Variants in USP26 observed in about 807,000 individuals in gnomAD.
USP26 encodes the protein ubiquitin specific peptidase 26, also known as ubiquitin carboxyl-terminal hydrolase 26.
For missense variants in USP26, 649 were observed against 642.3 expected, an observed-to-expected ratio of 1.01 and a Z score of -0.11; for synonymous variants, 236 against 240.6, an observed-to-expected ratio of 0.98 and a Z score of 0.18.
chrX:133,025,527 ATTCTC>A lies in USP26; in HGVS notation c.2689_2693del (p.Glu897CysfsTer4), dbSNP rs1374210792. 1 of 1,211,262 alleles carries A rather than the reference ATTCTC, an allele frequency of 8.3e-7. No individual in the cohort carries two copies. Among genetic ancestry groups the A allele is most frequent in the African/African-American group, 1.7e-5 (1 of 57,701 alleles). Reference sequence around the variant, plus strand: ...CTACCTCCTTGCTATTAAGCTGGGCATTCTCTTCTCTTTTCAACATCTCTTCAAAG... The same window carrying A: ...CTACCTCCTTGCTATTAAGCTGGGCATTCTCTTTTCAACATCTCTTCAAAG... On this transcript the variant is annotated frameshift_variant, in exon 6 of 6. Transcript: ENST00000511190. LOFTEE classifies it low-confidence loss of function (END_TRUNC).
At chrX:133,068,384 A>G (rs2067519394) in intron 5 of USP26, among the ~76,000 whole-genome samples, 1 of 112,460 alleles carries the variant, frequency 8.9e-6, no homozygotes, top group South Asian at 3.7e-4. Flanking sequence ...AAACCTGCAC[A>G]TATACCTCCT....
At chrX:133,070,090 C>T (rs1435359054) in intron 5 of USP26, among the ~76,000 whole-genome samples, 3 of 110,669 alleles carry the variant, frequency 2.7e-5, no homozygotes, top group Non-Finnish European at 3.8e-5. Context: ...CAGCAAAAGA[C>T]GATAGAGGAT....
chrX:133,052,872 G>C lies in USP26; in HGVS notation c.-76-24576C>G, dbSNP rs191188553. On this transcript the variant is annotated intron_variant, in intron 5 of 5. Transcript: ENST00000511190. The stretch of plus-strand genomic sequence containing the variant: ...TCTCCTTATAATGTAGATGGGGAGG[G>C]GGGTGAGAGGACTGGTAGCTGTCTC... Among the ~76,000 whole-genome samples, 63 of 111,601 alleles carry C rather than the reference G, an allele frequency of 5.6e-4. 1 individual carries two copies. Among genetic ancestry groups the C allele is most frequent in the African/African-American group, 2.0e-3 (61 of 30,756 alleles).
intron 5 of USP26, among the ~76,000 whole-genome samples, chrX:133,079,092 A>G (rs1003488363): frequency 3.6e-5 from 4 of 111,981 alleles, no homozygotes; most frequent in Admixed American, 1.9e-4. Flanking sequence ...CTATTCTATC[A>G]TGATCCTTAC....
intron 5 of USP26, among the ~76,000 whole-genome samples, chrX:133,044,318 C>A (rs1202833455): frequency 1.8e-5 from 2 of 113,362 alleles, no homozygotes; most frequent in Admixed American, 1.8e-4. Flanking sequence ...CTGTGGGAGC[C>A]CCTTCCTGGG....
At chrX:133,067,263 T>G (rs1470680425) in intron 5 of USP26, among the ~76,000 whole-genome samples, 1 of 112,583 alleles carries the variant, frequency 8.9e-6, no homozygotes, top group Non-Finnish European at 1.9e-5. Flanking sequence ...ATGAACTCTT[T>G]TACACTGTAG....
intron 5 of USP26, among the ~76,000 whole-genome samples, chrX:133,077,616 A>G (rs931305763): frequency 9.0e-6 from 1 of 111,571 alleles, no homozygotes; most frequent in Non-Finnish European, 1.9e-5. Context: ...ATCTGCCCCA[A>G]TATAGTTTGG....
intron 5 of USP26, among the ~76,000 whole-genome samples, chrX:133,032,710 T>G (rs2067382226): frequency 9.0e-6 from 1 of 111,177 alleles, no homozygotes; most frequent in Non-Finnish European, 1.9e-5. Flanking sequence ...AAGAGGAAAA[T>G]GGGAGCTGAA....
chrX:133,095,942 A>G (rs1010990144), intron 1 of USP26, among the ~76,000 whole-genome samples: 2 of 107,728 alleles, frequency 1.9e-5, no homozygotes, highest in Non-Finnish European at 1.9e-5. Context: ...ACGGGGTTTC[A>G]CCGTGTTGAC....
chrX:133,043,402 A>G (rs921974749), intron 5 of USP26, among the ~76,000 whole-genome samples: 1 of 112,430 alleles, frequency 8.9e-6, no homozygotes, highest in Non-Finnish European at 1.9e-5. Flanking sequence ...TTCTGTCCAG[A>G]GTAACCCTCA....
At chrX:133,065,304 G>A (rs961063349) in intron 5 of USP26, among the ~76,000 whole-genome samples, 1 of 111,829 alleles carries the variant, frequency 8.9e-6, no homozygotes, top group Non-Finnish European at 1.9e-5. Flanking sequence ...GACATACAAA[G>A]AGGAGCTGGT....
chrX:133,058,662 G>A (rs941367204), intron 5 of USP26, among the ~76,000 whole-genome samples: 14 of 111,239 alleles, frequency 1.3e-4, no homozygotes, highest in Non-Finnish European at 2.4e-4. Context: ...ATCTTTAGAC[G>A]ACATATATTT....
At position 133,044,447 on chromosome X, in the gene USP26, G is replaced by C. The variant is rs187262511; in HGVS notation, c.-76-16151C>G. ...CCAGCTAGAGTTCCGGGTGGGCATG[G>C]GCTTGGCAGGCCCTGCACTCAGAGT... On this transcript the variant is annotated intron_variant, in intron 5 of 5. Transcript: ENST00000511190. Among the ~76,000 whole-genome samples, 866 of 113,404 alleles carry C rather than the reference G, an allele frequency of 7.6e-3. 6 individuals are homozygous for C. The highest frequency in any genetic ancestry group is 0.024 in the African/African-American group (765 of 31,362).
intron 5 of USP26, among the ~76,000 whole-genome samples, chrX:133,066,322 C>G (rs1022803131): frequency 9.0e-6 from 1 of 111,672 alleles, no homozygotes; most frequent in Non-Finnish European, 1.9e-5. Flanking sequence ...AAATTCAATG[C>G]TATTTCCATC....
At chrX:133,082,341 G>A (rs1227516920) in intron 5 of USP26, among the ~76,000 whole-genome samples, 1 of 111,564 alleles carries the variant, frequency 9.0e-6, no homozygotes, top group African/African-American at 3.3e-5. Flanking sequence ...TCCAACCTCT[G>A]TAACACTTCT....
intron 5 of USP26, among the ~76,000 whole-genome samples, chrX:133,050,262 C>T (rs1840862657): frequency 8.9e-6 from 1 of 112,146 alleles, no homozygotes; most frequent in African/African-American, 3.2e-5. Context: ...CTTCTCTATG[C>T]TGAGGATCTA....
chrX:133,039,378 G>A (rs2067408874), intron 5 of USP26, among the ~76,000 whole-genome samples: 1 of 111,642 alleles, frequency 9.0e-6, no homozygotes. Flanking sequence ...TGTTCTCCTT[G>A]GTTTCAAAGG....
intron 5 of USP26, among the ~76,000 whole-genome samples, chrX:133,050,312 G>C (rs977435037): frequency 8.9e-6 from 1 of 112,141 alleles, no homozygotes; most frequent in Non-Finnish European, 1.9e-5. Context: ...TGAGCCTCCA[G>C]CTATTCCACC....
At chrX:133,054,909 C>T (rs1009045560) in intron 5 of USP26, among the ~76,000 whole-genome samples, 8 of 112,226 alleles carry the variant, frequency 7.1e-5, no homozygotes, top group African/African-American at 2.6e-4. Flanking sequence ...TACTATTTAT[C>T]AGCTTAAAGA....
Sources: allele counts gnomAD v4.1 joint callset (sites outside exome capture counted in the v4.1 genomes callset), GRCh38; gene constraint gnomAD v4.1.1; transcripts MANE v1.5; gene names NCBI Gene and HGNC (gene_info 2026-07-23, HGNC 2026-07-21).